XIRP2: variants seen among roughly 807,000 people sequenced by gnomAD.
The protein encoded by XIRP2 is xin actin binding repeat containing 2, also known as xin actin-binding repeat-containing protein 2.
A neutral mutation model predicts 277.0 loss-of-function variants in XIRP2; 236 were observed. The ratio of observed to expected loss-of-function variants is 0.85; its 90% CI spans 0.77 to 0.95. The LOEUF is 0.95. XIRP2 is among the 40% of genes least tolerant of loss of function. The pLI is 0.00. For synonymous variants in XIRP2, 1,490 were observed against 1,416.5 expected (o/e 1.05, Z -1.17); for missense variants, 4,640 against 4,157.5 (o/e 1.12, Z -3.19).
rs771775266 is a variant in XIRP2 at position 167,218,258 on chromosome 2, C to A, written c.816C>A (p.Thr272=). The change falls in exon 5 of 11, where the codon ACC becomes ACA. Residue 272 remains threonine (T), a synonymous_variant. Transcript: ENST00000409195. ...FEDEITSSRN[T]FAQYQYQHQN... ...ACGAAATTACTTCTTCCCGTAATAC[C>A]TTTGCTCAATACCAATATCAACATC... 2 of 1,606,006 alleles carry A rather than the reference C, an allele frequency of 1.2e-6. No homozygotes were observed. Among genetic ancestry groups the A allele is most frequent in the Non-Finnish European group, 8.5e-7 (1 of 1,176,264 alleles).
In XIRP2 at chr2:166,962,411, T is replaced by C. The variant is rs115226092; in HGVS notation, c.408+58521T>C. 5.2e-3 allele frequency among the ~76,000 whole-genome samples: 791 copies of C among 151,816 alleles called. 4 individuals are homozygous for C. Among genetic ancestry groups the C allele is most frequent in the Non-Finnish European group, 8.7e-3 (589 of 67,784 alleles). The stretch of plus-strand genomic sequence containing the variant: ...ACAGGGGGGTAATATTGTATTGTCA[T>C]TGGATACACTAAAGACAAATTTACA... On this transcript the variant is annotated intron_variant, in intron 2 of 10. Transcript: ENST00000409195.
At chr2:166,956,503 C>G (rs113142498) in intron 2 of XIRP2, among the ~76,000 whole-genome samples, 1,548 of 151,832 alleles carry the variant, frequency 0.01, 34 homozygotes, top group African/African-American at 0.035. Flanking sequence ...GGTCATTGTT[C>G]CATGTAAATT....
At position 167,249,199 on chromosome 2, in the gene XIRP2, T is replaced by C; in HGVS notation, c.7807T>C (p.Ser2603Pro). 1 of 1,613,706 alleles carries C rather than the reference T, an allele frequency of 6.2e-7. No individual in the cohort carries two copies. The highest frequency in any genetic ancestry group is 1.1e-5 in the South Asian group (1 of 91,064). ...NEEVSLSGID[S>P]ECTVVQPSPG... ...GGAGGTTTCCCTATCTGGAATTGAT[T>C]CAGAATGCACTGTGGTTCAACCCAG... is the stretch of plus-strand genomic sequence containing the variant. Residue 2603 changes from serine to proline, a missense_variant, in exon 9 of 11, where the codon TCA becomes CCA. By Grantham distance (74) the Ser-to-Pro change is moderately conservative. Coordinates refer to ENST00000409195, the MANE Select transcript of XIRP2 (RefSeq NM_152381.6).
At chr2:167,181,026 G>C (rs1210375534) in intron 3 of XIRP2, among the ~76,000 whole-genome samples, 1 of 152,096 alleles carries the variant, frequency 6.6e-6, no homozygotes, top group Admixed American at 6.5e-5. Flanking sequence ...ACTTCCTTTT[G>C]TATGGTACAA....
At chr2:167,002,076 G>C (rs1013153948) in intron 2 of XIRP2, among the ~76,000 whole-genome samples, 3 of 152,020 alleles carry the variant, frequency 2.0e-5, no homozygotes, top group African/African-American at 7.2e-5. Flanking sequence ...ATTTCTTAGA[G>C]AGCTATACAA....
At chr2:167,228,088 C>T (rs558328301) in intron 5 of XIRP2, among the ~76,000 whole-genome samples, 129 of 152,214 alleles carry the variant, frequency 8.5e-4, no homozygotes, top group Non-Finnish European at 1.5e-3. Context: ...CATAACTAAA[C>T]CACTGTGTGG....
chr2:167,179,374 G>C (rs552394590), intron 3 of XIRP2, among the ~76,000 whole-genome samples: 2 of 147,340 alleles, frequency 1.4e-5, no homozygotes, highest in Non-Finnish European at 3.0e-5. Context: ...AGGCTGGAGT[G>C]CAATGGCGCC....
At chr2:167,163,137 C>A (rs1054799630) in intron 3 of XIRP2, among the ~76,000 whole-genome samples, 1 of 152,162 alleles carries the variant, frequency 6.6e-6, no homozygotes, top group Non-Finnish European at 1.5e-5. Context: ...TTGCTGTAAA[C>A]CATCTTGCAC....
intron 2 of XIRP2, among the ~76,000 whole-genome samples, chr2:167,019,658 T>G (rs1446500641): frequency 6.6e-6 from 1 of 152,124 alleles, no homozygotes; most frequent in South Asian, 2.1e-4. Context: ...ATTGTTTTAC[T>G]GAGAAGTGGC....
At chr2:167,099,900 C>T (rs1194162750) in intron 2 of XIRP2, among the ~76,000 whole-genome samples, 3 of 152,072 alleles carry the variant, frequency 2.0e-5, no homozygotes, top group Non-Finnish European at 2.9e-5. Context: ...AGAGATCACC[C>T]GCCTTCTGCA....
At chr2:167,064,248 G>A (rs1689244370) in intron 2 of XIRP2, among the ~76,000 whole-genome samples, 1 of 151,862 alleles carries the variant, frequency 6.6e-6, no homozygotes, top group East Asian at 1.9e-4. Context: ...TAGTTCTACT[G>A]TTGGTTTATT....
chr2:167,090,315 A>T (rs1574245799), intron 2 of XIRP2, among the ~76,000 whole-genome samples: 1 of 152,186 alleles, frequency 6.6e-6, no homozygotes, highest in South Asian at 2.1e-4. Flanking sequence ...TGAGTAATGT[A>T]GTTTATATTG....
intron 5 of XIRP2, among the ~76,000 whole-genome samples, chr2:167,225,000 A>C (rs943342002): frequency 3.3e-5 from 5 of 152,208 alleles, no homozygotes; most frequent in Admixed American, 6.6e-5. Flanking sequence ...TAAAAATTAT[A>C]ATAGCAAGTC....
chr2:167,124,802 G>C (rs1025886989), intron 2 of XIRP2, among the ~76,000 whole-genome samples: 1 of 152,132 alleles, frequency 6.6e-6, no homozygotes, highest in Non-Finnish European at 1.5e-5. Flanking sequence ...TGGCAAAGCG[G>C]GGCATTCAGA....
rs118028665 is a variant in XIRP2, at chr2:167,098,831, G to A, written c.409-37078G>A. 1.4e-3 allele frequency among the ~76,000 whole-genome samples: 207 copies of A among 152,230 alleles called. 8 individuals are homozygous for A. The East Asian group carries it at 0.035, about 26-fold the overall frequency. ...CTGCAGATCTGCTGGAGTTTGCTGTGGGTCCACTCCAGACCCTGTTTGGCT... is the reference window on the plus strand; with the variant it reads ...CTGCAGATCTGCTGGAGTTTGCTGTAGGTCCACTCCAGACCCTGTTTGGCT... On this transcript the variant is annotated intron_variant, in intron 2 of 10. Transcript: ENST00000409195.
At chr2:167,080,235 G>A (rs1689693317) in intron 2 of XIRP2, among the ~76,000 whole-genome samples, 1 of 152,034 alleles carries the variant, frequency 6.6e-6, no homozygotes, top group South Asian at 2.1e-4. Context: ...GAAAGATGTG[G>A]GGTAAAAAAG....
At chr2:167,170,394 T>C (rs1029362585) in intron 3 of XIRP2, among the ~76,000 whole-genome samples, 4 of 152,196 alleles carry the variant, frequency 2.6e-5, no homozygotes, top group Non-Finnish European at 5.9e-5. Context: ...ATTTCTTTAT[T>C]ACATCTTTGA....
At chr2:167,071,704 G>A (rs1689441406) in intron 2 of XIRP2, among the ~76,000 whole-genome samples, 1 of 152,174 alleles carries the variant, frequency 6.6e-6, no homozygotes, top group Non-Finnish European at 1.5e-5. Context: ...CAAAACATGA[G>A]AACTATGAAA....
intron 3 of XIRP2, among the ~76,000 whole-genome samples, chr2:167,141,699 C>CA (rs1691722027): frequency 6.6e-6 from 1 of 151,810 alleles, no homozygotes; most frequent in African/African-American, 2.4e-5. Context: ...TCCATCTCTA[C>CA]AAAAAATAAA....
Sources: gnomAD v4.1 joint callset for allele counts (sites outside exome capture counted in the v4.1 genomes callset) on GRCh38, gnomAD v4.1.1 for gene constraint, MANE v1.5 for transcripts, NCBI Gene and HGNC (gene_info 2026-07-23, HGNC 2026-07-21) for gene names.